ARHGEF7: variants seen among roughly 807,000 people sequenced by gnomAD.
ARHGEF7 encodes Rho guanine nucleotide exchange factor 7, also known as PAK-interacting exchange factor beta.
ARHGEF7 carries 33 observed loss-of-function variants against 109.8 expected under a neutral mutation model. That is an observed-to-expected ratio of 0.30 (90% CI 0.23 to 0.40). The LOEUF (loss-of-function observed/expected upper bound fraction) is 0.40. Ranked by LOEUF, ARHGEF7 falls within the 10% of genes least tolerant of loss-of-function variation. ARHGEF7 has a pLI of 1.00. For missense variants in ARHGEF7, 938 were observed against 1,098.5 expected, an observed-to-expected ratio of 0.85 and a Z score of 2.07; for synonymous variants, 458 against 424.6, an observed-to-expected ratio of 1.08 and a Z score of -0.97.
At chr13:111,244,137 A>G in intron 7 of ARHGEF7, 62 bp from the exon 8 acceptor site, 1 of 1,361,402 alleles carries the variant, frequency 7.3e-7, no homozygotes, top group Non-Finnish European at 1.0e-6. Context: ...TTGGGATGGC[A>G]AAGGAGAAGA....
chr13:111,221,702 T>G (rs1170447672), intron 5 of ARHGEF7, among the ~76,000 whole-genome samples: 4 of 110,492 alleles, frequency 3.6e-5, no homozygotes, highest in African/African-American at 9.2e-5. Flanking sequence ...CCTTGATATA[T>G]CTATCTGTAT....
intron 1 of ARHGEF7, among the ~76,000 whole-genome samples, chr13:111,150,718 G>A (rs2075845237): frequency 1.3e-5 from 2 of 152,174 alleles, no homozygotes; most frequent in Admixed American, 1.3e-4. Flanking sequence ...AGCCTCACAA[G>A]CTTTACAATA....
intron 1 of ARHGEF7, among the ~76,000 whole-genome samples, chr13:111,146,908 G>A (rs922044584): frequency 2.6e-5 from 4 of 152,136 alleles, no homozygotes; most frequent in African/African-American, 9.7e-5. Context: ...AAGTACAAAA[G>A]GCATACTTTG....
intron 2 of ARHGEF7, among the ~76,000 whole-genome samples, chr13:111,185,895 C>T (rs1339262184): frequency 6.6e-6 from 1 of 151,340 alleles, no homozygotes; most frequent in African/African-American, 2.4e-5. Context: ...GTGGGCAAAG[C>T]CAGGCTGGTG....
intron 19 of ARHGEF7, among the ~76,000 whole-genome samples, chr13:111,295,391 G>A (rs1396043537): frequency 6.6e-6 from 1 of 152,158 alleles, no homozygotes; most frequent in Non-Finnish European, 1.5e-5. Flanking sequence ...GTCACTCCTT[G>A]TACATTTCTT....
chr13:111,131,811 C>T lies in ARHGEF7; in HGVS notation c.165+16120C>T, dbSNP rs1180595096. Among the ~76,000 whole-genome samples the T allele has an allele frequency of 6.6e-6, 1 of 152,176 alleles. No individual in the cohort carries two copies. Among genetic ancestry groups the T allele is most frequent in the Non-Finnish European group, 1.5e-5 (1 of 68,044 alleles). The stretch of plus-strand genomic sequence containing the variant: ...GCTATTCCTAGCTGTTCTAGGACAA[C>T]TGGCCAGCACACACCCAGAGCCCAC... On this transcript the variant is annotated intron_variant, in intron 1 of 21. Coordinates refer to ENST00000646102, the MANE Select transcript of ARHGEF7 (RefSeq NM_001354046.2). This position sits in a 1 kb window ranked among gnomAD's most constrained non-coding sequence, Gnocchi z 4.4.
chr13:111,265,124 CAAAAAAAAAA>C (rs976877106), intron 8 of ARHGEF7, among the ~76,000 whole-genome samples: 3 of 69,474 alleles, frequency 4.3e-5, no homozygotes, highest in Non-Finnish European at 5.4e-5. Flanking sequence ...AACTCCATCT[CAAAAAAAAAA>C]AAAAAAAAAA....
intron 1 of ARHGEF7, among the ~76,000 whole-genome samples, chr13:111,116,059 C>G (rs1157289611): frequency 6.6e-6 from 1 of 152,208 alleles, no homozygotes; most frequent in South Asian, 2.1e-4. Flanking sequence ...AAACCGCGTT[C>G]CGACGCGGTG....
chr13:111,222,037 G>A (rs1184101888), intron 5 of ARHGEF7, among the ~76,000 whole-genome samples: 1 of 152,120 alleles, frequency 6.6e-6, no homozygotes, highest in African/African-American at 2.4e-5. Context: ...ATATTTGCTG[G>A]AAGCTGATTA....
At chr13:111,263,779 T>C (rs760445127) in intron 8 of ARHGEF7, among the ~76,000 whole-genome samples, 27 of 151,760 alleles carry the variant, frequency 1.8e-4, no homozygotes, top group Non-Finnish European at 3.7e-4. Flanking sequence ...GTCAGAAGAT[T>C]CTCAAAACCT....
intron 6 of ARHGEF7, among the ~76,000 whole-genome samples, chr13:111,234,431 C>T (rs1188516244): frequency 6.6e-6 from 1 of 152,218 alleles, no homozygotes; most frequent in Admixed American, 6.5e-5. Context: ...TATTGGGCGC[C>T]TGCTCTGTGC....
At chr13:111,270,299 G>T (rs912249937) in intron 9 of ARHGEF7, among the ~76,000 whole-genome samples, 1 of 152,164 alleles carries the variant, frequency 6.6e-6, no homozygotes, top group Non-Finnish European at 1.5e-5. Context: ...GCACTGTGTC[G>T]GTAAGGACTG....
At chr13:111,154,124 CCGGGATGTGTGGAACGGGGCGTTG>C (rs1466616699) in intron 2 of ARHGEF7, 133 bp downstream of exon 2, 51 of 967,246 alleles carry the variant, frequency 5.3e-5, no homozygotes, top group South Asian at 2.1e-4. Context: ...GCTCGAGAGT[CCGGGATGTGTGGAACGGGGCGTTG>C]CGGGTTTGGG....
chr13:111,188,991 A>G (rs1462617495), intron 2 of ARHGEF7, among the ~76,000 whole-genome samples: 2 of 152,218 alleles, frequency 1.3e-5, no homozygotes, highest in East Asian at 1.9e-4. Context: ...AAGGTTTATT[A>G]TGTCAGTTAT....
intron 5 of ARHGEF7, among the ~76,000 whole-genome samples, chr13:111,225,554 A>G (rs2085092240): frequency 6.7e-6 from 1 of 150,112 alleles, no homozygotes; most frequent in Non-Finnish European, 1.5e-5. Context: ...TTGTGGCAAC[A>G]CTGTTGGTGC....
intron 12 of ARHGEF7, among the ~76,000 whole-genome samples, chr13:111,277,307 GTCCGTTTACTT>G (rs2092545771): frequency 6.6e-6 from 1 of 152,164 alleles, no homozygotes. Context: ...CTTTTAATCA[GTCCGTTTACTT>G]TCTTACCTTT....
At chr13:111,241,268 A>G in intron 6 of ARHGEF7, 2 of 1,536,166 alleles carry the variant, frequency 1.3e-6, no homozygotes, top group Non-Finnish European at 1.7e-6. Flanking sequence ...TGTGGCGTCC[A>G]GGCTGTGAGG....
At chr13:111,144,265 C>T (rs1359898202) in intron 1 of ARHGEF7, 2 of 152,172 alleles carry the variant, frequency 1.3e-5, no homozygotes, top group Non-Finnish European at 2.9e-5. Flanking sequence ...TAGAGTTGGG[C>T]TTTGGGATTT....
At chr13:111,221,492 C>G (rs1343406638) in intron 5 of ARHGEF7, among the ~76,000 whole-genome samples, 15 of 41,174 alleles carry the variant, frequency 3.6e-4, no homozygotes, top group Non-Finnish European at 5.6e-4. Flanking sequence ...TATATATAGA[C>G]ATATATATAT....
Sources: allele counts gnomAD v4.1 joint callset (sites outside exome capture counted in the v4.1 genomes callset), GRCh38; gene constraint gnomAD v4.1.1; non-coding constraint Gnocchi (gnomAD v3.1); transcripts MANE v1.5; gene names NCBI Gene and HGNC (gene_info 2026-07-23, HGNC 2026-07-21).